The following DOCK5 variants were observed in gnomAD, a reference collection of about 807,000 sequenced individuals.
DOCK5 encodes dedicator of cytokinesis 5.
Under a neutral mutation model 251.8 loss-of-function variants are expected in DOCK5, and 142 were observed. That is an observed-to-expected ratio of 0.56 (90% CI 0.49 to 0.65). The LOEUF (loss-of-function observed/expected upper bound fraction) is 0.65. Among genes scored for constraint, DOCK5 ranks in the 30% least tolerant of loss-of-function variants. The pLI is 0.00. For missense variants in DOCK5, 2,111 were observed against 2,312.3 expected, an observed-to-expected ratio of 0.91 and a Z score of 1.79; for synonymous variants, 842 against 835.5, an observed-to-expected ratio of 1.01 and a Z score of -0.13.
In DOCK5 at chr8:25,343,804, T is replaced by TTTTTG. The variant is rs566168781; in HGVS notation, c.2617+1313_2617+1317dup. On this transcript the variant is annotated intron_variant, in intron 25 of 51. Transcript: ENST00000276440. ...TGGCAAACATGATAAAGCAAGCGTT[T>TTTTTG]TTTTGTTTTGTTTTGTTTTGAGATG... Among the ~76,000 whole-genome samples the TTTTTG allele has an allele frequency of 1.2e-4, 19 of 152,144 alleles. 1 individual carries two copies. The South Asian group carries it at 2.7e-3, about 22-fold the overall frequency.
chr8:25,246,288 T>G (rs1803105654), intron 2 of DOCK5, among the ~76,000 whole-genome samples: 1 of 152,134 alleles, frequency 6.6e-6, no homozygotes, highest in Admixed American at 6.5e-5. Flanking sequence ...TTTTTGTATT[T>G]TTTGGAGACA....
chr8:25,402,396 A>AG (rs1801454225), intron 47 of DOCK5, among the ~76,000 whole-genome samples: 1 of 152,058 alleles, frequency 6.6e-6, no homozygotes, highest in Non-Finnish European at 1.5e-5. Flanking sequence ...TCCCAGGTTC[A>AG]CACCATTCTC....
intron 43 of DOCK5, 22 bp downstream of exon 43, chr8:25,392,002 T>C: frequency 6.2e-7 from 1 of 1,610,114 alleles, no homozygotes; most frequent in Non-Finnish European, 8.5e-7. Context: ...CCTTTTGTCC[T>C]TTAAGAGGTA....
At chr8:25,243,242 T>A (rs1165158626) in intron 1 of DOCK5, among the ~76,000 whole-genome samples, 1 of 152,116 alleles carries the variant, frequency 6.6e-6, no homozygotes, top group Non-Finnish European at 1.5e-5. Flanking sequence ...GAAATGAGGA[T>A]CCATTTCTGT....
chr8:25,259,275 A>G (rs375626718), intron 2 of DOCK5, among the ~76,000 whole-genome samples: 17 of 152,126 alleles, frequency 1.1e-4, no homozygotes, highest in African/African-American at 4.1e-4. Flanking sequence ...GCATTGAGAA[A>G]GTGTCCTGTC....
chr8:25,221,642 T>C (rs1468099297), intron 1 of DOCK5, among the ~76,000 whole-genome samples: 2 of 150,726 alleles, frequency 1.3e-5, no homozygotes, highest in African/African-American at 5.0e-5. Flanking sequence ...TTCTGCTACC[T>C]ACCATCATCA....
intron 28 of DOCK5, among the ~76,000 whole-genome samples, chr8:25,361,726 CA>C (rs1800684790): frequency 6.6e-6 from 1 of 152,024 alleles, no homozygotes; most frequent in South Asian, 2.1e-4. Context: ...GCCATAAAAC[CA>C]GGGGAGAATC....
intron 27 of DOCK5, among the ~76,000 whole-genome samples, chr8:25,356,600 T>G (rs918566579): frequency 7.9e-5 from 12 of 151,676 alleles, no homozygotes; most frequent in African/African-American, 2.9e-4. Context: ...CCCAGGGAAG[T>G]CGAGGCTACA....
At chr8:25,242,607 A>T (rs890901930) in intron 1 of DOCK5, among the ~76,000 whole-genome samples, 3 of 152,212 alleles carry the variant, frequency 2.0e-5, no homozygotes, top group South Asian at 2.1e-4. Flanking sequence ...TTAGCTATTC[A>T]TACATAATTT....
chr8:25,255,090 C>T (rs369247296), intron 2 of DOCK5, among the ~76,000 whole-genome samples: 1 of 152,164 alleles, frequency 6.6e-6, no homozygotes, highest in Non-Finnish European at 1.5e-5. Context: ...CAGGAACTCT[C>T]ATTCATTGCT....
At chr8:25,215,464 C>G (rs1054695062) in intron 1 of DOCK5, among the ~76,000 whole-genome samples, 12 of 152,112 alleles carry the variant, frequency 7.9e-5, no homozygotes, top group African/African-American at 2.9e-4. Flanking sequence ...TCCCCAGTAC[C>G]CTGGCCATCA....
In DOCK5 at chr8:25,412,830, A is replaced by C. The variant is rs920601944; in HGVS notation, c.*1532A>C. On this transcript the variant is annotated 3_prime_UTR_variant, in exon 52 of 52. Transcript: ENST00000276440. ...TTTCCTGTTTCACCGCCACCCTTTC[A>C]GGAGAGAACTACACCAGTTCATCAT... 6.6e-6 allele frequency: 1 copy of C among 152,070 alleles called. No individual in the cohort carries two copies. The highest frequency in any genetic ancestry group is 2.4e-5 in the African/African-American group (1 of 41,370). The allele number at this position is 152,070 out of a possible 1,614,324, so 9.4% of individuals were successfully genotyped here.
chr8:25,190,730 A>G (rs911677979), intron 1 of DOCK5, among the ~76,000 whole-genome samples: 2 of 146,454 alleles, frequency 1.4e-5, no homozygotes, highest in Non-Finnish European at 1.5e-5. Context: ...CGGATATTAT[A>G]TAATTATAAT....
intron 42 of DOCK5, among the ~76,000 whole-genome samples, chr8:25,391,487 A>C (rs1487104117): frequency 6.6e-6 from 1 of 151,878 alleles, no homozygotes; most frequent in Admixed American, 6.6e-5. Flanking sequence ...AATACAAAAA[A>C]ATTAGCCAGT....
At chr8:25,397,197 G>C (rs1014897526) in intron 45 of DOCK5, among the ~76,000 whole-genome samples, 2 of 151,772 alleles carry the variant, frequency 1.3e-5, no homozygotes, top group Non-Finnish European at 2.9e-5. Context: ...ACTCCAGCCT[G>C]GGTGACAGAA....
At chr8:25,315,873 G>A (rs1287278649) in intron 13 of DOCK5, among the ~76,000 whole-genome samples, 2 of 152,178 alleles carry the variant, frequency 1.3e-5, no homozygotes, top group Admixed American at 1.3e-4. Flanking sequence ...TGATGAAAAC[G>A]ATCAGTGCTC....
chr8:25,310,210 C>T (rs1805052247), intron 12 of DOCK5, among the ~76,000 whole-genome samples, 197 bp from the exon 13 acceptor site: 1 of 151,978 alleles, frequency 6.6e-6, no homozygotes, highest in Non-Finnish European at 1.5e-5. Context: ...CATCTGTTCA[C>T]ATCTCTGTCA....
At position 25,356,596 on chromosome 8, in the gene DOCK5, G is replaced by T. The variant is rs1200025427; in HGVS notation, c.2851-2367G>T. Among the ~76,000 whole-genome samples, 3 of 152,018 alleles carry T rather than the reference G, an allele frequency of 2.0e-5. No individual in the cohort carries two copies. In the East Asian group the frequency reaches 5.8e-4, roughly 29 times the overall value. On this transcript the variant is annotated intron_variant, in intron 27 of 51. Coordinates refer to ENST00000276440, the MANE Select transcript of DOCK5 (RefSeq NM_024940.8). ...ATGTGAGGATCGCTTGAGCCCCAGG[G>T]AAGTCGAGGCTACAGTCAGCCATGA...
intron 6 of DOCK5, among the ~76,000 whole-genome samples, chr8:25,293,757 A>G (rs1804550897): frequency 6.6e-6 from 1 of 152,170 alleles, no homozygotes; most frequent in Non-Finnish European, 1.5e-5. Context: ...TAATCCCAGC[A>G]GTTTGGGAGG....
Sources: allele counts gnomAD v4.1 joint callset (sites outside exome capture counted in the v4.1 genomes callset), GRCh38; gene constraint gnomAD v4.1.1; transcripts MANE v1.5; gene names NCBI Gene and HGNC (gene_info 2026-07-23, HGNC 2026-07-21).